The following ZBTB5 variants were observed in gnomAD, a reference collection of about 807,000 sequenced individuals.
ZBTB5 encodes zinc finger and BTB domain containing 5, also known as zinc finger and BTB domain-containing protein 5.
Under a neutral mutation model 37.9 loss-of-function variants are expected in ZBTB5, and 15 were observed. The ratio of observed to expected loss-of-function variants is 0.40; its 90% CI spans 0.26 to 0.61. The LOEUF is 0.61. Among genes scored for constraint, ZBTB5 ranks in the 20% least tolerant of loss-of-function variants. The probability of loss-of-function intolerance (pLI) is 0.47; values close to 1 mark genes in which losing one functional copy is unlikely to be tolerated. For synonymous variants in ZBTB5, 315 were observed against 312.4 expected (o/e 1.01, Z -0.09); for missense variants, 708 against 856.8 (o/e 0.83, Z 2.17).
chr9:37,449,702 A>T (rs970865484), intron 1 of ZBTB5, among the ~76,000 whole-genome samples: 2 of 151,950 alleles, frequency 1.3e-5, no homozygotes, highest in African/African-American at 4.8e-5. Context: ...CTCAAAAAAA[A>T]AAAAAAAAAA....
chr9:37,440,200 A>G lies in ZBTB5; in HGVS notation c.*318T>C. On this transcript the variant is annotated 3_prime_UTR_variant, in exon 2 of 2. Coordinates refer to ENST00000307750, the MANE Select transcript of ZBTB5 (RefSeq NM_014872.3). ...GCTACACAGTTTTACAAAAATTGCTAAAAAATTTTTTTTGCACTTCAATTT... is the reference window on the plus strand; with the variant it reads ...GCTACACAGTTTTACAAAAATTGCTGAAAAATTTTTTTTGCACTTCAATTT... The G allele has an allele frequency of 3.0e-6, 1 of 327,872 alleles. No individual in the cohort carries two copies. Among genetic ancestry groups the G allele is most frequent in the Non-Finnish European group, 5.7e-6 (1 of 176,766 alleles). The allele number at this position is 327,872 out of a possible 1,614,324, so 20.3% of individuals were successfully genotyped here.
chr9:37,464,321 C>T lies in ZBTB5; in HGVS notation c.-5+894G>A, dbSNP rs151335333. Among the ~76,000 whole-genome samples, 284 of 152,304 alleles carry T rather than the reference C, an allele frequency of 1.9e-3. 1 individual carries two copies. The highest frequency in any genetic ancestry group is 6.7e-3 in the African/African-American group (280 of 41,570). On this transcript the variant is annotated intron_variant, in intron 1 of 1. Transcript: ENST00000307750. ...AACATGTTTTGGAATATTTTTGCTT[C>T]AATTTTTGAAGGTGAAGAGTTCCTT...
At chr9:37,463,749 A>G (rs376398858) in intron 1 of ZBTB5, among the ~76,000 whole-genome samples, 7 of 152,330 alleles carry the variant, frequency 4.6e-5, no homozygotes, top group East Asian at 3.9e-4. Flanking sequence ...TCAATTAACC[A>G]AAATCCAGCT....
At position 37,439,265 on chromosome 9, in the gene ZBTB5, G is replaced by C. The variant is rs1823805644; in HGVS notation, c.*1253C>G. Reference sequence around the variant, plus strand: ...TGGGGAAGTGAGGCTGTAGGGCCCAGAGAGGCCCTAGTGCCTCCAACAGTC... The same window carrying C: ...TGGGGAAGTGAGGCTGTAGGGCCCACAGAGGCCCTAGTGCCTCCAACAGTC... On this transcript the variant is annotated 3_prime_UTR_variant, in exon 2 of 2. Coordinates refer to ENST00000307750, the MANE Select transcript of ZBTB5 (RefSeq NM_014872.3). 1 of 152,234 alleles carries C rather than the reference G, an allele frequency of 6.6e-6. No individual in the cohort carries two copies. Among genetic ancestry groups the C allele is most frequent in the Non-Finnish European group, 1.5e-5 (1 of 68,044 alleles). 9.4% of individuals were successfully genotyped at this position (152,234 alleles called of 1,614,324 possible). A position where few individuals can be genotyped will look rare whatever the true frequency, so the allele number is the denominator to read the frequency against.
At chr9:37,451,502 G>A (rs1338099102) in intron 1 of ZBTB5, among the ~76,000 whole-genome samples, 1 of 141,924 alleles carries the variant, frequency 7.0e-6, no homozygotes, top group Non-Finnish European at 1.5e-5. Context: ...AGATTGCACT[G>A]AGCCAAGGTA....
intron 1 of ZBTB5, among the ~76,000 whole-genome samples, chr9:37,460,466 G>A (rs140757647): frequency 6.6e-6 from 1 of 152,208 alleles, no homozygotes; most frequent in African/African-American, 2.4e-5. Context: ...CAGATGCGGG[G>A]CTCACACCTG....
In ZBTB5 at chr9:37,441,748, T is replaced by A. The variant is rs1823881742; in HGVS notation, c.804A>T (p.Glu268Asp). The A allele has an allele frequency of 6.2e-7, 1 of 1,614,038 alleles. No homozygotes were observed. The highest frequency in any genetic ancestry group is 1.7e-5 in the Admixed American group (1 of 60,012). Residue 268 changes from glutamate (E) to aspartate (D), a missense_variant, in exon 2 of 2, where the codon GAA becomes GAT. This residue lies in a region of ZBTB5 where 639 missense variants were observed against 690.5 expected (regional missense o/e 0.93). Coordinates refer to ENST00000307750, the MANE Select transcript of ZBTB5 (RefSeq NM_014872.3). ...CAGACTGGCTGGGCACCTGGGCATC[T>A]TCTTGAGTGCCAAAAGACTGATCAA... ...IMFDQSFGTQ[E>D]DAQVPSQSDN... is the part of the protein sequence containing the mutation.
chr9:37,454,417 A>G (rs760271013), intron 1 of ZBTB5, among the ~76,000 whole-genome samples: 5 of 152,226 alleles, frequency 3.3e-5, no homozygotes, highest in Non-Finnish European at 7.3e-5. Flanking sequence ...AAATGTGACA[A>G]TATGAGTCAA....
intron 1 of ZBTB5, among the ~76,000 whole-genome samples, chr9:37,444,601 C>A (rs570116207): frequency 2.6e-5 from 4 of 152,184 alleles, no homozygotes; most frequent in Non-Finnish European, 5.9e-5. Context: ...AATCCCCACA[C>A]TAGGCTGACA....
In ZBTB5 at chr9:37,465,443, G is replaced by A. The variant is rs773863190; in HGVS notation, c.-233C>T. On this transcript the variant is annotated 5_prime_UTR_variant, in exon 1 of 2. Transcript: ENST00000307750. ...CGGCGGCGGCGCCCGAGGATAAGCG[G>A]AAGTGACGTAATGCAAGAGCGCCTA... 2 of 152,052 alleles carry A rather than the reference G, an allele frequency of 1.3e-5. No homozygotes were observed. The highest frequency in any genetic ancestry group is 2.9e-5 in the Non-Finnish European group (2 of 68,024). 9.4% of individuals were successfully genotyped at this position (152,052 alleles called of 1,614,324 possible).
chr9:37,456,574 T>C (rs1002380504), intron 1 of ZBTB5, among the ~76,000 whole-genome samples: 3 of 152,198 alleles, frequency 2.0e-5, no homozygotes, highest in East Asian at 3.9e-4. Context: ...AACTCTCCAA[T>C]TCTCTCCACA....
intron 1 of ZBTB5, among the ~76,000 whole-genome samples, chr9:37,452,724 G>C (rs1824124967): frequency 6.6e-6 from 1 of 152,218 alleles, no homozygotes; most frequent in Admixed American, 6.5e-5. Context: ...CTCTGAGTTT[G>C]AGCCACCTCA....
At chr9:37,464,562 A>G (rs1394947086) in intron 1 of ZBTB5, among the ~76,000 whole-genome samples, 2 of 152,184 alleles carry the variant, frequency 1.3e-5, no homozygotes, top group African/African-American at 4.8e-5. Context: ...CCCTTAATTC[A>G]CTGCCTTTTA....
rs1823860823 is a variant in ZBTB5 at position 37,441,012 on chromosome 9, G to A, written c.1540C>T (p.His514Tyr). 1 of 1,614,164 alleles carries A rather than the reference G, an allele frequency of 6.2e-7. No homozygotes were observed. The highest frequency in any genetic ancestry group is 8.5e-7 in the Non-Finnish European group (1 of 1,180,022). ...ATCATTACCCTGGAGAAGGAGGAGT[G>A]GAGGCCCAAACCAGACCTGGAAAAG... ...MDFSRSGLGL[H>Y]SSFSRVMIGS... Residue 514 changes from histidine (H) to tyrosine (Y), a missense_variant, in exon 2 of 2, where the codon CAC becomes TAC. This residue lies in a region of ZBTB5 where 639 missense variants were observed against 690.5 expected (regional missense o/e 0.93). Coordinates refer to ENST00000307750, the MANE Select transcript of ZBTB5 (RefSeq NM_014872.3).
Position 37,441,962 on chromosome 9 carries a change from G to A in ZBTB5, c.590C>T (p.Ala197Val), listed in dbSNP as rs1330187439. The A allele has an allele frequency of 1.9e-6, 3 of 1,613,802 alleles. No homozygotes were observed. The highest frequency in any genetic ancestry group is 1.7e-6 in the Non-Finnish European group (2 of 1,180,046). Residue 197 changes from alanine (A) to valine (V), a missense_variant, in exon 2 of 2, where the codon GCA becomes GTA. Physicochemically the swap from Ala to Val is moderately conservative, Grantham distance 64 (BLOSUM62 0). Coordinates refer to ENST00000307750, the MANE Select transcript of ZBTB5 (RefSeq NM_014872.3). ...MRRLHKRKQS[A>V]EERARQRLRP... ...GAGGCGCTGCCTGGCCCGCTCCTCT[G>A]CAGACTGCTTGCGCTTATGAAGGCG...
intron 1 of ZBTB5, among the ~76,000 whole-genome samples, chr9:37,460,910 AC>A (rs1824281445): frequency 6.6e-6 from 1 of 151,954 alleles, no homozygotes; most frequent in Non-Finnish European, 1.5e-5. Context: ...AAAAAACTAA[AC>A]TTTTATCAAG....
chr9:37,463,595 A>T (rs1436764761), intron 1 of ZBTB5, among the ~76,000 whole-genome samples: 1 of 152,220 alleles, frequency 6.6e-6, no homozygotes, highest in African/African-American at 2.4e-5. Flanking sequence ...GAGTTCTTTA[A>T]GTACTATTTG....
At chr9:37,453,980 T>A (rs1266271685) in intron 1 of ZBTB5, among the ~76,000 whole-genome samples, 1 of 152,182 alleles carries the variant, frequency 6.6e-6, no homozygotes, top group African/African-American at 2.4e-5. Flanking sequence ...AATCCAGGTA[T>A]GACTAAAGTT....
Position 37,441,185 on chromosome 9 carries a change from C to T in ZBTB5, c.1367G>A (p.Gly456Asp), listed in dbSNP as rs1823865823. The change falls in exon 2 of 2, where the codon GGT (glycine) becomes GAT (aspartate). Residue 456 changes from glycine to aspartate, a missense_variant. This residue lies in a region of ZBTB5 where 639 missense variants were observed against 690.5 expected (regional missense o/e 0.93). Transcript: ENST00000307750. ...GGAGCCAGGGGCAGAGGAGGGCCCA[C>T]CTGCAGGCCCAGCCTCTGGACTCAA... ...YLLSPEAGPA[G>D]GPSSAPGSHV... 3.1e-6 allele frequency: 5 copies of T among 1,614,072 alleles called. No individual in the cohort carries two copies. The highest frequency in any genetic ancestry group is 4.2e-6 in the Non-Finnish European group (5 of 1,179,964).
Sources: allele counts gnomAD v4.1 joint callset (sites outside exome capture counted in the v4.1 genomes callset), GRCh38; gene constraint gnomAD v4.1.1; regional missense constraint gnomAD v4.1.1; transcripts MANE v1.5; gene names NCBI Gene and HGNC (gene_info 2026-07-23, HGNC 2026-07-21).